The following MREG variants were observed in gnomAD, a reference collection of about 807,000 sequenced individuals.
The protein encoded by MREG is melanoregulin.
MREG carries 31 observed loss-of-function variants against 28.5 expected under a neutral mutation model. The observed-to-expected ratio is 1.09, with a 90% CI of 0.82 to 1.47. The LOEUF (loss-of-function observed/expected upper bound fraction) is 1.47, where lower values mean the gene tolerates loss of function less well. MREG is among the 40% of genes most tolerant of loss of function. The pLI is 0.00. For synonymous variants in MREG, 106 were observed against 95.2 expected (o/e 1.11, Z -0.66); for missense variants, 256 against 257.4 (o/e 0.99, Z 0.04).
rs570540267 is a variant in MREG at position 215,972,305 on chromosome 2, T to TA, written c.255+24000dup. Among the ~76,000 whole-genome samples the TA allele has an allele frequency of 3.4e-3, 520 of 152,138 alleles. 1 individual carries two copies. Among genetic ancestry groups the TA allele is most frequent in the Non-Finnish European group, 6.3e-3 (431 of 67,988 alleles). On this transcript the variant is annotated intron_variant, in intron 2 of 4. Transcript: ENST00000263268. ...CTATTTAGAAAACCTCTCCTCTCCA[T>TA]AAAAAATTTAAAAAGAAAAGGAGGA...
Position 216,013,445 on chromosome 2 carries a change from G to T in MREG, c.-118C>A. The T allele has an allele frequency of 1.8e-6, 1 of 542,852 alleles. No individual in the cohort carries two copies. The highest frequency in any genetic ancestry group is 2.6e-6 in the Non-Finnish European group (1 of 384,914). 33.6% of individuals were successfully genotyped at this position (542,852 alleles called of 1,614,324 possible). On this transcript the variant is annotated 5_prime_UTR_variant, in exon 1 of 5. Transcript: ENST00000263268. ...CAGGTGCGGGGACAGCGGCAGCCCG[G>T]GCGTCGCGGGCTGGTCCGCGCGCAT...
upstream of MREG, among the ~76,000 whole-genome samples, chr2:216,018,021 T>C (rs2105929035): frequency 6.7e-6 from 1 of 149,380 alleles, no homozygotes; most frequent in East Asian, 2.0e-4. Context: ...AAATTAGCCA[T>C]GAGTGGTGGT....
At chr2:215,996,060 C>T (rs1413353266) in intron 2 of MREG, among the ~76,000 whole-genome samples, 1 of 152,178 alleles carries the variant, frequency 6.6e-6, no homozygotes. Context: ...AACAGCATTG[C>T]CTTGCGTGTA....
chr2:216,030,729 CT>C lies in MREG; in HGVS notation c.-68+2059del, dbSNP rs71047960. ...GGCTAATTTTTGTATTTCTTTCTTT[CT>C]TTTTTTTTTTTTAGTAGAGAGAAGG... On this transcript the variant is annotated intron_variant, in intron 1 of 3. Coordinates refer to the MREG transcript ENST00000420348. 8.2e-4 allele frequency among the ~76,000 whole-genome samples: 119 copies of C among 145,604 alleles called. 2 individuals are homozygous for C. Among genetic ancestry groups the C allele is most frequent in the South Asian group, 3.0e-3 (14 of 4,594 alleles).
chr2:215,960,176 C>T (rs1346957134), intron 2 of MREG, among the ~76,000 whole-genome samples: 6 of 152,198 alleles, frequency 3.9e-5, no homozygotes, highest in East Asian at 2.0e-4. Flanking sequence ...AGGATGATCT[C>T]GAACTCCTGA....
At chr2:215,958,704 A>G (rs942240208) in intron 2 of MREG, among the ~76,000 whole-genome samples, 13 of 152,186 alleles carry the variant, frequency 8.5e-5, no homozygotes, top group Admixed American at 7.9e-4. Flanking sequence ...CCTGCTCTCT[A>G]GGGAAAGGGC....
chr2:216,011,804 A>T (rs10498051), intron 1 of MREG, among the ~76,000 whole-genome samples: 7,118 of 152,300 alleles, frequency 0.047, 198 homozygotes, highest in Middle Eastern at 0.085. Context: ...CTGAGGTTGA[A>T]ACTAAGCTCA....
At position 215,979,082 on chromosome 2, in the gene MREG, T is replaced by A. The variant is rs1406154309; in HGVS notation, c.255+17224A>T. Among the ~76,000 whole-genome samples the A allele has an allele frequency of 2.0e-5, 3 of 152,060 alleles. No individual in the cohort carries two copies. The East Asian group carries it at 5.8e-4, about 29-fold the overall frequency. On this transcript the variant is annotated intron_variant, in intron 2 of 4. Transcript: ENST00000263268. ...TTGAAATAACAATCACACATTGGAG[T>A]TTTCATAAGAGGGAAATAAGCTGGA...
At chr2:215,999,201 C>T (rs769129617) in intron 1 of MREG, among the ~76,000 whole-genome samples, 13 of 152,280 alleles carry the variant, frequency 8.5e-5, no homozygotes, top group Middle Eastern at 3.4e-3. Flanking sequence ...GAAAAGGTAA[C>T]GTGGGGTCAG....
chr2:215,970,295 C>T (rs1295729747), intron 2 of MREG, among the ~76,000 whole-genome samples: 2 of 152,144 alleles, frequency 1.3e-5, no homozygotes, highest in East Asian at 3.9e-4. Flanking sequence ...ACATCCTTCC[C>T]TCAGAGCCCT....
Position 215,964,844 on chromosome 2 carries a change from T to C in MREG, c.256-17731A>G, listed in dbSNP as rs190970437. Among the ~76,000 whole-genome samples, 493 of 55,970 alleles carry C rather than the reference T, an allele frequency of 8.8e-3. 4 individuals are homozygous for C. Among genetic ancestry groups the C allele is most frequent in the African/African-American group, 0.016 (361 of 22,268 alleles). 36.7% of individuals were successfully genotyped at this position (55,970 alleles called of 152,430 possible). On this transcript the variant is annotated intron_variant, in intron 2 of 4. Transcript: ENST00000263268. ...CTAAGAATCTAGACAGACAGACAGA[T>C]AGATAGATAGATAGATAGATAGATA...
chr2:216,001,138 A>G (rs1420526057), intron 1 of MREG, among the ~76,000 whole-genome samples: 1 of 151,898 alleles, frequency 6.6e-6, no homozygotes, highest in East Asian at 1.9e-4. Context: ...TTTCTCGCTT[A>G]TCACATCCAT....
At chr2:215,960,858 ATAAAAT>A (rs1345220668) in intron 2 of MREG, among the ~76,000 whole-genome samples, 1 of 151,988 alleles carries the variant, frequency 6.6e-6, no homozygotes. Flanking sequence ...TAATAATAAA[ATAAAAT>A]TAAAAAAGCA....
chr2:216,021,020 C>T (rs1010633223), intron 1 of MREG, among the ~76,000 whole-genome samples: 3 of 152,238 alleles, frequency 2.0e-5, no homozygotes, highest in Non-Finnish European at 4.4e-5. Context: ...GAGCGATGAT[C>T]CTAAACACCT....
chr2:216,013,969 C>A (rs369773557), upstream of MREG, among the ~76,000 whole-genome samples: 100 of 151,920 alleles, frequency 6.6e-4, 1 homozygote, highest in South Asian at 0.02. Context: ...GTTTTCAAAC[C>A]TCCTAGTCCT....
At chr2:216,005,981 T>C (rs983936408) in intron 1 of MREG, among the ~76,000 whole-genome samples, 12 of 152,268 alleles carry the variant, frequency 7.9e-5, no homozygotes, top group African/African-American at 2.9e-4. Context: ...GGTATATAAC[T>C]GTCACAAAAC....
At chr2:215,957,344 GC>G (rs978941413) in intron 2 of MREG, among the ~76,000 whole-genome samples, 6 of 152,274 alleles carry the variant, frequency 3.9e-5, no homozygotes, top group African/African-American at 1.2e-4. Flanking sequence ...CCACCTTGGT[GC>G]TTCCTCTGGG....
At chr2:216,011,361 C>T (rs1414158166) in intron 1 of MREG, among the ~76,000 whole-genome samples, 1 of 152,140 alleles carries the variant, frequency 6.6e-6, no homozygotes, top group Non-Finnish European at 1.5e-5. Context: ...TGAGACCAGT[C>T]CACTCATACC....
chr2:215,955,415 A>AT (rs1248817765), intron 2 of MREG, among the ~76,000 whole-genome samples: 2 of 152,208 alleles, frequency 1.3e-5, no homozygotes, highest in Non-Finnish European at 2.9e-5. Context: ...CATGCACTAT[A>AT]TACCACCCTT....
Sources: gnomAD v4.1 joint callset for allele counts (sites outside exome capture counted in the v4.1 genomes callset) on GRCh38, gnomAD v4.1.1 for gene constraint, MANE v1.5 for transcripts, NCBI Gene and HGNC (gene_info 2026-07-23, HGNC 2026-07-21) for gene names.